UIMC1: variants seen among roughly 807,000 people sequenced by gnomAD.
UIMC1 encodes the protein BRCA1-A complex subunit RAP80.
In UIMC1, 42 loss-of-function variants were observed where a neutral mutation model predicts 84.9. That is an observed-to-expected ratio of 0.49 (90% CI 0.39 to 0.64). UIMC1 has a LOEUF of 0.64. Among genes scored for constraint, UIMC1 ranks in the 30% least tolerant of loss-of-function variants. The pLI is 0.00. For synonymous variants in UIMC1, 281 were observed against 293.0 expected (o/e 0.96, Z 0.42); for missense variants, 825 against 847.6 (o/e 0.97, Z 0.33).
rs961253297 is a variant in UIMC1 at position 176,948,180 on chromosome 5, G to A, written c.1443+3294C>T. 3.9e-5 allele frequency among the ~76,000 whole-genome samples: 6 copies of A among 152,116 alleles called. No homozygotes were observed. In the East Asian group the frequency reaches 9.6e-4, roughly 24 times the overall value. ...ATATTTATCTAAGACTCCAACTAAGGGAAACTCTCAGGCAAGATATTCAGA... is the reference window on the plus strand; with the variant it reads ...ATATTTATCTAAGACTCCAACTAAGAGAAACTCTCAGGCAAGATATTCAGA... On this transcript the variant is annotated intron_variant, in intron 9 of 14. Coordinates refer to ENST00000511320, the MANE Select transcript of UIMC1 (RefSeq NM_001199298.2).
upstream of UIMC1, among the ~76,000 whole-genome samples, chr5:177,007,209 G>A (rs759673672): frequency 6.6e-6 from 1 of 151,786 alleles, no homozygotes; most frequent in South Asian, 2.1e-4. Flanking sequence ...GCGTGGTGGC[G>A]CGTGCGTGTA....
intron 2 of UIMC1, among the ~76,000 whole-genome samples, chr5:176,981,541 C>A (rs1771056873): frequency 6.6e-6 from 1 of 152,106 alleles, no homozygotes; most frequent in South Asian, 2.1e-4. Flanking sequence ...TGGTTCACAT[C>A]TGTAACCCCA....
At chr5:176,923,874 A>AC (rs61342160) in intron 10 of UIMC1, among the ~76,000 whole-genome samples, 2 of 146,364 alleles carry the variant, frequency 1.4e-5, no homozygotes, top group South Asian at 4.3e-4. Flanking sequence ...AAAAAAAAAA[A>AC]ATATATATAT....
chr5:177,016,278 C>T (rs1775667609), intron 1 of UIMC1, among the ~76,000 whole-genome samples: 1 of 152,030 alleles, frequency 6.6e-6, no homozygotes, highest in Non-Finnish European at 1.5e-5. Context: ...GCAGGAGAAT[C>T]GCTTGAACCT....
Position 176,946,783 on chromosome 5 carries a change from C to T in UIMC1, c.1444-3295G>A, listed in dbSNP as rs554420590. Among the ~76,000 whole-genome samples the T allele has an allele frequency of 5.3e-5, 8 of 152,062 alleles. No individual in the cohort carries two copies. In the South Asian group the frequency reaches 1.2e-3, roughly 24 times the overall value. ...CCAAGAGGTGGAGGTTCCAGTGAGCCGAGATCCTACCACTGCACTCCAGCC... is the reference window on the plus strand; with the variant it reads ...CCAAGAGGTGGAGGTTCCAGTGAGCTGAGATCCTACCACTGCACTCCAGCC... On this transcript the variant is annotated intron_variant, in intron 9 of 14. Transcript: ENST00000511320.
intron 10 of UIMC1, among the ~76,000 whole-genome samples, chr5:176,914,167 T>C (rs1006448439): frequency 6.6e-6 from 1 of 152,074 alleles, no homozygotes; most frequent in Non-Finnish European, 1.5e-5. Context: ...ATTTTTTTTT[T>C]CTCCCCTTAA....
intron 6 of UIMC1, among the ~76,000 whole-genome samples, chr5:176,968,257 A>C (rs1356590868): frequency 6.6e-6 from 1 of 152,076 alleles, no homozygotes; most frequent in Non-Finnish European, 1.5e-5. Flanking sequence ...CTGTAATCCC[A>C]GCTACTTGGA....
chr5:176,990,143 T>C (rs1473647850), intron 1 of UIMC1, among the ~76,000 whole-genome samples: 1 of 150,396 alleles, frequency 6.6e-6, no homozygotes, highest in Admixed American at 6.6e-5. Flanking sequence ...ATCGAGCCAC[T>C]GCACTCCAGC....
chr5:176,928,419 A>AT (rs1762654564), intron 10 of UIMC1, among the ~76,000 whole-genome samples: 1 of 152,234 alleles, frequency 6.6e-6, no homozygotes, highest in Non-Finnish European at 1.5e-5. Context: ...AAAAAGGACT[A>AT]TGACACAATA....
intron 4 of UIMC1, 57 bp from the exon 5 acceptor site, chr5:176,969,763 A>G: frequency 6.7e-7 from 1 of 1,495,458 alleles, no homozygotes; most frequent in South Asian, 1.2e-5. Context: ...CTATATATGA[A>G]GGGTCACAGG....
At chr5:176,958,317 T>C (rs1467031254) in intron 6 of UIMC1, among the ~76,000 whole-genome samples, 163 bp from the exon 7 acceptor site, 1 of 152,260 alleles carries the variant, frequency 6.6e-6, no homozygotes, top group Non-Finnish European at 1.5e-5. Flanking sequence ...AAGCACATCC[T>C]GTAAAGTCAG....
At chr5:176,924,237 G>A (rs1762103185) in intron 10 of UIMC1, among the ~76,000 whole-genome samples, 1 of 151,658 alleles carries the variant, frequency 6.6e-6, no homozygotes, top group Admixed American at 6.6e-5. Context: ...AGAATCGCTT[G>A]AACCTGGGAG....
chr5:177,007,822 T>C (rs1285043415), upstream of UIMC1, among the ~76,000 whole-genome samples: 1 of 151,928 alleles, frequency 6.6e-6, no homozygotes, highest in Non-Finnish European at 1.5e-5. Flanking sequence ...AAGAAAGACC[T>C]GGCCAGGCGT....
chr5:176,974,920 C>T (rs1769826619), intron 3 of UIMC1, among the ~76,000 whole-genome samples: 3 of 151,956 alleles, frequency 2.0e-5, no homozygotes, highest in Admixed American at 1.3e-4. Context: ...CTGGGAGGCC[C>T]AAGCTGGAGG....
chr5:176,929,819 G>A (rs766533369), intron 10 of UIMC1, among the ~76,000 whole-genome samples: 23 of 152,160 alleles, frequency 1.5e-4, no homozygotes, highest in Middle Eastern at 3.2e-3. Flanking sequence ...AAAGTGGTAT[G>A]AAAATCAGGT....
intron 3 of UIMC1, among the ~76,000 whole-genome samples, chr5:176,971,205 T>C (rs1769146246): frequency 6.6e-6 from 1 of 152,232 alleles, no homozygotes; most frequent in South Asian, 2.1e-4. Context: ...GAGGAATTAA[T>C]GCCCACTCTA....
intron 9 of UIMC1, 120 bp downstream of exon 9, chr5:176,951,354 G>A (rs2149454636): frequency 9.8e-6 from 6 of 609,146 alleles, no homozygotes; most frequent in South Asian, 4.2e-5. Flanking sequence ...TAACATAAGG[G>A]CCCCCAAAAC....
At chr5:176,946,211 G>A (rs1765087805) in intron 9 of UIMC1, among the ~76,000 whole-genome samples, 1 of 152,062 alleles carries the variant, frequency 6.6e-6, no homozygotes, top group African/African-American at 2.4e-5. Flanking sequence ...TTCTCAACCT[G>A]CCGATCTGCC....
intron 2 of UIMC1, among the ~76,000 whole-genome samples, chr5:176,977,016 A>G (rs1023411549): frequency 2.6e-5 from 4 of 152,184 alleles, no homozygotes; most frequent in Non-Finnish European, 5.9e-5. Flanking sequence ...TGAGGTCAGG[A>G]GGTCGAGACC....
Sources: gnomAD v4.1 joint callset for allele counts (sites outside exome capture counted in the v4.1 genomes callset) on GRCh38, gnomAD v4.1.1 for gene constraint, MANE v1.5 for transcripts, NCBI Gene and HGNC (gene_info 2026-07-23, HGNC 2026-07-21) for gene names.